SYNJ2BP: variants seen among roughly 807,000 people sequenced by gnomAD.
The protein encoded by SYNJ2BP is synaptojanin-2-binding protein.
Under a neutral mutation model 16.9 loss-of-function variants are expected in SYNJ2BP, and 10 were observed. The ratio of observed to expected loss-of-function variants is 0.59; its 90% confidence interval spans 0.36 to 1.00. The LOEUF (loss-of-function observed/expected upper bound fraction) is 1.00, where lower values mean the gene tolerates loss of function less well. Among genes scored for constraint, SYNJ2BP ranks in the 50% least tolerant of loss-of-function variants. The probability of loss-of-function intolerance (pLI) is 0.01; values close to 1 mark genes in which losing one functional copy is unlikely to be tolerated. For missense variants in SYNJ2BP, 162 were observed against 186.7 expected, an observed-to-expected ratio of 0.87 and a Z score of 0.77; for synonymous variants, 54 against 68.4, an observed-to-expected ratio of 0.79 and a Z score of 1.04.
chr14:70,375,209 T>C (rs1258755554), intron 3 of SYNJ2BP, among the ~76,000 whole-genome samples: 3 of 150,606 alleles, frequency 2.0e-5, no homozygotes, highest in Non-Finnish European at 3.0e-5. Flanking sequence ...TTTTTTCTTT[T>C]TTTTTTTTTT....
chr14:70,382,371 C>T (rs10146573), intron 2 of SYNJ2BP, among the ~76,000 whole-genome samples: 133,006 of 152,284 alleles, frequency 0.87, 58,143 homozygotes, highest in East Asian at 0.93. Flanking sequence ...CACACACACT[C>T]ATTTGACGAA....
intron 3 of SYNJ2BP, 111 bp from the exon 4 acceptor site, chr14:70,373,242 A>C: frequency 7.2e-7 from 1 of 1,383,288 alleles, no homozygotes; most frequent in Non-Finnish European, 9.7e-7. Context: ...CCAAAACTGT[A>C]ACCCCCAGCA....
chr14:70,379,532 T>C (rs190499620), intron 2 of SYNJ2BP, among the ~76,000 whole-genome samples: 115 of 152,360 alleles, frequency 7.5e-4, no homozygotes, highest in African/African-American at 2.6e-3. Flanking sequence ...TCTTCCAAGA[T>C]TGATCTTTAA....
chr14:70,390,509 A>T (rs2140836815), intron 1 of SYNJ2BP, among the ~76,000 whole-genome samples: 1 of 152,184 alleles, frequency 6.6e-6, no homozygotes, highest in South Asian at 2.1e-4. Context: ...TCTACTAAAA[A>T]TACAAAAAAT....
At chr14:70,404,683 T>C (rs1458358648) in intron 1 of SYNJ2BP, among the ~76,000 whole-genome samples, 1 of 152,178 alleles carries the variant, frequency 6.6e-6, no homozygotes, top group Non-Finnish European at 1.5e-5. Context: ...ACCGTCAATA[T>C]ATACAATTAA....
At chr14:70,373,534 G>C (rs1488302678) in intron 3 of SYNJ2BP, among the ~76,000 whole-genome samples, 1 of 152,154 alleles carries the variant, frequency 6.6e-6, no homozygotes, top group African/African-American at 2.4e-5. Flanking sequence ...TGTTTACTTA[G>C]ATAATCAGTC....
Position 70,416,932 on chromosome 14 carries a change from T to A in SYNJ2BP, c.32A>T (p.Glu11Val). Residue 11 changes from glutamate to valine, a missense_variant, in exon 1 of 4, where the codon GAG (glutamate) becomes GTG (valine). Transcript: ENST00000256366. MNGRVDYLVTEEEINLTRGPS... is the reference protein window; with the variant it reads MNGRVDYLVTVEEINLTRGPS... ...CCCTCTGGTAAGATTGATCTCTTCC[T>A]CAGTGACCAAATAATCCACTCTTCC... 1 of 1,614,154 alleles carries A rather than the reference T, an allele frequency of 6.2e-7. No homozygotes were observed. Among genetic ancestry groups the A allele is most frequent in the African/African-American group, 1.3e-5 (1 of 75,036 alleles).
At chr14:70,408,551 T>C (rs920202222) in intron 1 of SYNJ2BP, among the ~76,000 whole-genome samples, 1 of 151,690 alleles carries the variant, frequency 6.6e-6, no homozygotes, top group Non-Finnish European at 1.5e-5. Flanking sequence ...CGGGCGCCTG[T>C]AATCCCAGCT....
intron 1 of SYNJ2BP, among the ~76,000 whole-genome samples, chr14:70,407,195 G>A (rs1324077768): frequency 2.0e-5 from 3 of 152,134 alleles, no homozygotes; most frequent in East Asian, 1.9e-4. Flanking sequence ...TTGGGAGGCC[G>A]AGGCAGGTGG....
rs117150130 is a variant in SYNJ2BP at position 70,378,806 on chromosome 14, C to T, written c.202-3035G>A. ...GAAAAAATTAAGCTGCAAGCTGAGT[C>T]ATGCAATAAACTGCTTTTCCTTTTG... is the stretch of plus-strand genomic sequence containing the variant. On this transcript the variant is annotated intron_variant, in intron 2 of 3. Coordinates refer to ENST00000256366, the MANE Select transcript of SYNJ2BP (RefSeq NM_018373.3). Among the ~76,000 whole-genome samples, 354 of 152,274 alleles carry T rather than the reference C, an allele frequency of 2.3e-3. 9 individuals are homozygous for T. In the East Asian group the frequency reaches 0.061, roughly 26 times the overall value.
chr14:70,408,689 C>A (rs1026005984), intron 1 of SYNJ2BP, among the ~76,000 whole-genome samples: 6 of 133,518 alleles, frequency 4.5e-5, no homozygotes, highest in Admixed American at 1.5e-4. Context: ...AAAAAAAAAT[C>A]ATTGAATCCT....
intron 1 of SYNJ2BP, among the ~76,000 whole-genome samples, chr14:70,392,861 A>G (rs1317498272): frequency 6.6e-6 from 1 of 152,228 alleles, no homozygotes; most frequent in Admixed American, 6.5e-5. Flanking sequence ...AGGCTATTCA[A>G]TACGTATCTT....
chr14:70,388,737 G>T, intron 1 of SYNJ2BP, 131 bp from the exon 2 acceptor site: 2 of 1,299,752 alleles, frequency 1.5e-6, no homozygotes, highest in Non-Finnish European at 2.0e-6. Context: ...TGGCGAGTCA[G>T]CCTGTGATGG....
At position 70,379,609 on chromosome 14, in the gene SYNJ2BP, T is replaced by C. The variant is rs1472889017; in HGVS notation, c.202-3838A>G. Among the ~76,000 whole-genome samples, 5 of 152,240 alleles carry C rather than the reference T, an allele frequency of 3.3e-5. No homozygotes were observed. In the East Asian group the frequency reaches 9.6e-4, roughly 29 times the overall value. On this transcript the variant is annotated intron_variant, in intron 2 of 3. Transcript: ENST00000256366. ...GTTTTCTAGTCGAGGGACTTTAATT[T>C]CATGTTATGCCTTGGTTTTCTTGTT...
chr14:70,390,362 G>T (rs1887953202), intron 1 of SYNJ2BP, among the ~76,000 whole-genome samples: 2 of 152,116 alleles, frequency 1.3e-5, no homozygotes, highest in South Asian at 4.1e-4. Context: ...CAATAGAAAA[G>T]ATACTTAAAG....
At chr14:70,405,208 A>G (rs1284573002) in intron 1 of SYNJ2BP, among the ~76,000 whole-genome samples, 2 of 152,180 alleles carry the variant, frequency 1.3e-5, no homozygotes, top group African/African-American at 4.8e-5. Context: ...CAATATCAGA[A>G]AGTCAGTATA....
At chr14:70,384,402 T>C (rs1025467940) in intron 2 of SYNJ2BP, among the ~76,000 whole-genome samples, 14 of 152,204 alleles carry the variant, frequency 9.2e-5, no homozygotes, top group African/African-American at 2.9e-4. Flanking sequence ...TTACAGAGAC[T>C]TCAAAGCCAA....
rs541956629 is a variant in SYNJ2BP, at chr14:70,380,495, C to T, written c.202-4724G>A. Among the ~76,000 whole-genome samples, 6 of 152,008 alleles carry T rather than the reference C, an allele frequency of 3.9e-5. No individual in the cohort carries two copies. In the South Asian group the frequency reaches 8.3e-4, roughly 21 times the overall value. Reference sequence around the variant, plus strand: ...TGACCAACATGGTGAAACCCCGTCTCTACTAAAAATACAAAAATAAGCTGG... The same window carrying T: ...TGACCAACATGGTGAAACCCCGTCTTTACTAAAAATACAAAAATAAGCTGG... On this transcript the variant is annotated intron_variant, in intron 2 of 3. Transcript: ENST00000256366.
In SYNJ2BP at chr14:70,370,822, G is replaced by GT. The variant is rs1887502985; in HGVS notation, c.*2168dup. The GT allele has an allele frequency of 6.6e-6, 1 of 152,124 alleles. No individual in the cohort carries two copies. Among genetic ancestry groups the GT allele is most frequent in the African/African-American group, 2.4e-5 (1 of 41,404 alleles). The allele number at this position is 152,124 out of a possible 1,614,324, so 9.4% of individuals were successfully genotyped here. ...TCTTCAACTTGTCCCTTTCCTCCAC[G>GT]TAACTTTCTCAAACGCCCCAGTTCT... On this transcript the variant is annotated 3_prime_UTR_variant, in exon 4 of 4. Transcript: ENST00000256366.
Sources: gnomAD v4.1 joint callset for allele counts (sites outside exome capture counted in the v4.1 genomes callset) on GRCh38, gnomAD v4.1.1 for gene constraint, MANE v1.5 for transcripts, NCBI Gene and HGNC (gene_info 2026-07-23, HGNC 2026-07-21) for gene names.